RBFOX1: variants seen among roughly 807,000 people sequenced by gnomAD.
The protein encoded by RBFOX1 is RNA binding protein fox-1 homolog 1.
RBFOX1 carries 8 observed loss-of-function variants against 57.7 expected under a neutral mutation model. That is an observed-to-expected ratio of 0.14 (90% CI 0.08 to 0.25). The LOEUF is 0.25. RBFOX1 is among the 10% of genes least tolerant of loss of function. The pLI, the probability that RBFOX1 is intolerant of heterozygous loss-of-function variation, is 1.00. For missense variants in RBFOX1, 611 were observed against 548.5 expected (o/e 1.11, Z -1.14); for synonymous variants, 326 against 222.4 (o/e 1.47, Z -4.15).
At chr16:7,040,896 T>G (rs1006043146) in intron 3 of RBFOX1, among the ~76,000 whole-genome samples, 2 of 140,354 alleles carry the variant, frequency 1.4e-5, no homozygotes, top group East Asian at 2.7e-4. Flanking sequence ...GTTTTTTTTT[T>G]GTTTTGTTTT....
In RBFOX1 at chr16:5,306,738, C is replaced by T. The variant is rs190200520; in HGVS notation, c.219+66633C>T. ...CCATGCTGCCCTGCCCTCCATCACC[C>T]GGATCACTTTATGCCTTTTATCTGT... On this transcript the variant is annotated intron_variant, in intron 1 of 2. Coordinates refer to the RBFOX1 transcript ENST00000585867. Among the ~76,000 whole-genome samples, 834 of 152,306 alleles carry T rather than the reference C, an allele frequency of 5.5e-3. 11 individuals are homozygous for T. The highest frequency in any genetic ancestry group is 0.019 in the African/African-American group (795 of 41,566).
chr16:7,456,222 C>A (rs565656046), intron 4 of RBFOX1, among the ~76,000 whole-genome samples: 3 of 152,166 alleles, frequency 2.0e-5, no homozygotes, highest in Non-Finnish European at 4.4e-5. Flanking sequence ...TTTAACAGTT[C>A]CTCCACGTTA....
chr16:6,978,243 C>T (rs972325519), intron 3 of RBFOX1, among the ~76,000 whole-genome samples: 10 of 152,162 alleles, frequency 6.6e-5, no homozygotes, highest in African/African-American at 7.2e-5. Flanking sequence ...AGTTTCTAGC[C>T]TTGGAGAGCG....
At chr16:7,358,396 A>G (rs1193353960) in intron 4 of RBFOX1, among the ~76,000 whole-genome samples, 2 of 152,018 alleles carry the variant, frequency 1.3e-5, no homozygotes, top group Middle Eastern at 3.2e-3. Flanking sequence ...ATTAAGACTT[A>G]AGTATTTTTG....
At chr16:7,470,481 A>G (rs1431503883) in intron 4 of RBFOX1, among the ~76,000 whole-genome samples, 1 of 151,824 alleles carries the variant, frequency 6.6e-6, no homozygotes, top group East Asian at 1.9e-4. Context: ...GGATGGATGG[A>G]TAGTTGAATG....
At position 7,634,003 on chromosome 16, in the gene RBFOX1, A is replaced by G. The variant is rs114877391; in HGVS notation, c.757+3320A>G. On this transcript the variant is annotated intron_variant, in intron 11 of 15. Transcript: ENST00000550418. ...TATTTTTACATGCAGGCCTGTGCGC[A>G]CACACACACACGAGTTATATTCATG... Among the ~76,000 whole-genome samples, 973 of 152,158 alleles carry G rather than the reference A, an allele frequency of 6.4e-3. 10 individuals carry two copies. The highest frequency in any genetic ancestry group is 0.021 in the African/African-American group (866 of 41,506).
At chr16:5,870,303 C>G (rs116963367) in intron 4 of RBFOX1, among the ~76,000 whole-genome samples, 7,432 of 146,996 alleles carry the variant, frequency 0.051, 254 homozygotes, top group Admixed American at 0.073. Flanking sequence ...ACGGAGGTAA[C>G]CATCATATAT....
At position 5,815,601 on chromosome 16, in the gene RBFOX1, A is replaced by T. The variant is rs540628506; in HGVS notation, c.319-51702A>T. Among the ~76,000 whole-genome samples the T allele has an allele frequency of 1.5e-3, 230 of 152,318 alleles. 1 individual carries two copies. The highest frequency in any genetic ancestry group is 5.0e-3 in the African/African-American group (209 of 41,564). On this transcript the variant is annotated intron_variant, in intron 3 of 19. Coordinates refer to the RBFOX1 transcript ENST00000641259. ...AAGAGAACAAAGTGGACCCTGTTCC[A>T]GGAAGGAAGCCACAGCAGTTTCCAC...
intron 3 of RBFOX1, among the ~76,000 whole-genome samples, chr16:7,001,398 T>TGTATTTGTATATGTATATGTATATCTATA (rs2092782327): frequency 2.7e-4 from 27 of 100,926 alleles, no homozygotes; most frequent in African/African-American, 9.3e-4. Flanking sequence ...GTATGTGTAT[T>TGTATTTGTATATGTATATGTATATCTATA]TGTATATGTA....
chr16:7,248,401 GA>G (rs916419772), intron 4 of RBFOX1, among the ~76,000 whole-genome samples: 1 of 152,176 alleles, frequency 6.6e-6, no homozygotes, highest in Non-Finnish European at 1.5e-5. Context: ...CATTTGTGCA[GA>G]ATCTTCTAGC....
rs573819125 is a variant in RBFOX1 at position 7,408,810 on chromosome 16, A to T, written c.28-109337A>T. ...CCTTGTTGTGTTGTTACTACCGAAA[A>T]TGTCTCCAGATACTGCCATTGTCCC... On this transcript the variant is annotated intron_variant, in intron 4 of 15. Transcript: ENST00000550418. Among the ~76,000 whole-genome samples, 12 of 152,206 alleles carry T rather than the reference A, an allele frequency of 7.9e-5. No individual in the cohort carries two copies. In the East Asian group the frequency reaches 1.7e-3, roughly 22 times the overall value.
At chr16:5,610,450 C>T (rs2047736702) in intron 3 of RBFOX1, 1 of 152,218 alleles carries the variant, frequency 6.6e-6, no homozygotes, top group African/African-American at 2.4e-5. Flanking sequence ...GGAACAGGGA[C>T]ATGGGTATAG....
intron 1 of RBFOX1, among the ~76,000 whole-genome samples, chr16:5,454,381 T>A (rs184878857): frequency 6.6e-6 from 1 of 152,376 alleles, no homozygotes; most frequent in Admixed American, 6.5e-5. Flanking sequence ...GTGTGAAGGT[T>A]AATTTTATTA....
At chr16:6,859,613 G>A (rs991170690) in intron 3 of RBFOX1, among the ~76,000 whole-genome samples, 4 of 151,898 alleles carry the variant, frequency 2.6e-5, no homozygotes, top group Admixed American at 1.3e-4. Context: ...TCTTCCTGCC[G>A]CCTCTCTGTG....
intron 3 of RBFOX1, among the ~76,000 whole-genome samples, chr16:6,966,309 G>C (rs1271156084): frequency 1.3e-5 from 2 of 152,098 alleles, no homozygotes; most frequent in South Asian, 2.1e-4. Context: ...GGATAAAATG[G>C]GAGTGAAGGG....
chr16:6,847,700 G>A (rs184349377), intron 3 of RBFOX1, among the ~76,000 whole-genome samples: 117 of 152,226 alleles, frequency 7.7e-4, no homozygotes, highest in Non-Finnish European at 1.4e-3. Context: ...GACAGTGATC[G>A]TCAGGATTAG....
chr16:5,917,818 C>G (rs2058741736), intron 4 of RBFOX1, among the ~76,000 whole-genome samples: 1 of 152,146 alleles, frequency 6.6e-6, no homozygotes, highest in Non-Finnish European at 1.5e-5. Flanking sequence ...CGGGTTGTGA[C>G]TCTTCTCTGT....
intron 2 of RBFOX1, among the ~76,000 whole-genome samples, chr16:6,375,680 G>A (rs1185291066): frequency 2.0e-5 from 3 of 152,090 alleles, no homozygotes; most frequent in Non-Finnish European, 2.9e-5. Flanking sequence ...ATGGGAACCC[G>A]GAGGCGCATC....
rs199600091 is a variant in RBFOX1, at chr16:6,557,761, A to T, written c.-63-96842A>T. Among the ~76,000 whole-genome samples, 9 of 152,328 alleles carry T rather than the reference A, an allele frequency of 5.9e-5. No homozygotes were observed. The East Asian group carries it at 1.5e-3, about 26-fold the overall frequency. Reference sequence around the variant, plus strand: ...GGTATAAATTGATTTGCTGTGAAAAATTTCAGACGGTTCCATGTCAAGGCA... The same window carrying T: ...GGTATAAATTGATTTGCTGTGAAAATTTTCAGACGGTTCCATGTCAAGGCA... On this transcript the variant is annotated intron_variant, in intron 2 of 15. Coordinates refer to ENST00000550418, the MANE Select transcript of RBFOX1 (RefSeq NM_018723.4).
Sources: allele counts gnomAD v4.1 joint callset (sites outside exome capture counted in the v4.1 genomes callset), GRCh38; gene constraint gnomAD v4.1.1; transcripts MANE v1.5; gene names NCBI Gene and HGNC (gene_info 2026-07-23, HGNC 2026-07-21).